The following CLASP1 variants were observed in gnomAD, a reference collection of about 807,000 sequenced individuals.
The protein encoded by CLASP1 is cytoplasmic linker associated protein 1, also known as CLIP-associating protein 1.
In CLASP1, 38 loss-of-function variants were observed where a neutral mutation model predicts 192.3. The observed-to-expected ratio is 0.20, with a 90% CI of 0.15 to 0.26. CLASP1 has a LOEUF of 0.26. Among genes scored for constraint, CLASP1 ranks in the 10% least tolerant of loss-of-function variants. The probability of loss-of-function intolerance (pLI) is 1.00; values close to 1 mark genes in which losing one functional copy is unlikely to be tolerated. For missense variants in CLASP1, 1,433 were observed against 1,932.5 expected, an observed-to-expected ratio of 0.74 and a Z score of 4.85; for synonymous variants, 691 against 712.8, an observed-to-expected ratio of 0.97 and a Z score of 0.49.
chr2:121,362,066 T>G lies in CLASP1; in HGVS notation c.4206+1106A>C, dbSNP rs72967306. 5.0e-3 allele frequency among the ~76,000 whole-genome samples: 758 copies of G among 152,342 alleles called. 2 individuals carry two copies. The highest frequency in any genetic ancestry group is 0.017 in the African/African-American group (708 of 41,568). Reference sequence around the variant, plus strand: ...CTATGATCTAGGGTCTGACTCTCTATGTAGACGGAAGAATTGTGTTAACTA... The same window carrying G: ...CTATGATCTAGGGTCTGACTCTCTAGGTAGACGGAAGAATTGTGTTAACTA... On this transcript the variant is annotated intron_variant, in intron 37 of 39. Transcript: ENST00000263710.
chr2:121,441,975 T>C (rs563519922), intron 19 of CLASP1, among the ~76,000 whole-genome samples: 1 of 152,328 alleles, frequency 6.6e-6, no homozygotes, highest in South Asian at 2.1e-4. Context: ...TCGTGTAATC[T>C]TAATTAAAAT....
At chr2:121,478,837 CCA>C (rs1559368025) in intron 8 of CLASP1, among the ~76,000 whole-genome samples, 13 of 94,358 alleles carry the variant, frequency 1.4e-4, no homozygotes, top group African/African-American at 3.9e-4. Context: ...ACACCACACA[CCA>C]CACACACACC....
intron 2 of CLASP1, among the ~76,000 whole-genome samples, chr2:121,568,996 G>T (rs1479538199): frequency 1.3e-5 from 2 of 152,158 alleles, no homozygotes; most frequent in African/African-American, 4.8e-5. Flanking sequence ...TCTCAGGAAA[G>T]CCATGTGCCT....
intron 2 of CLASP1, among the ~76,000 whole-genome samples, chr2:121,540,563 C>T (rs1296154862): frequency 6.6e-6 from 1 of 151,808 alleles, no homozygotes; most frequent in East Asian, 1.9e-4. Flanking sequence ...CTGAGGTGGG[C>T]GAATCAAGAG....
intron 2 of CLASP1, among the ~76,000 whole-genome samples, chr2:121,559,295 C>A (rs1285744513): frequency 6.6e-6 from 1 of 152,068 alleles, no homozygotes; most frequent in African/African-American, 2.4e-5. Context: ...TAGCAGTTCC[C>A]CAAAATGTTT....
chr2:121,552,695 G>A (rs527309642), intron 2 of CLASP1, among the ~76,000 whole-genome samples: 1 of 152,320 alleles, frequency 6.6e-6, no homozygotes, highest in South Asian at 2.1e-4. Context: ...AGTAACAGAC[G>A]CTGGTGAGGT....
rs578159584 is a variant in CLASP1 at position 121,560,310 on chromosome 2, T to C, written c.196-29985A>G. On this transcript the variant is annotated intron_variant, in intron 2 of 39. Transcript: ENST00000263710. ...GCAAGCTGCAGAACAGTATGCAGAATAGTATGACTGCATTTCCTTAAAAAC... is the reference window on the plus strand; with the variant it reads ...GCAAGCTGCAGAACAGTATGCAGAACAGTATGACTGCATTTCCTTAAAAAC... 1.9e-4 allele frequency among the ~76,000 whole-genome samples: 29 copies of C among 152,344 alleles called. 1 individual carries two copies. Among genetic ancestry groups the C allele is most frequent in the Non-Finnish European group, 2.9e-4 (20 of 68,024 alleles).
chr2:121,535,651 ATT>A (rs1354895447), intron 2 of CLASP1, among the ~76,000 whole-genome samples: 2 of 146,262 alleles, frequency 1.4e-5, no homozygotes, highest in African/African-American at 5.0e-5. Context: ...ATTCATTAGA[ATT>A]TTTTTTTTTT....
At chr2:121,426,569 C>A (rs866944156) in intron 21 of CLASP1, among the ~76,000 whole-genome samples, 1 of 152,042 alleles carries the variant, frequency 6.6e-6, no homozygotes, top group African/African-American at 2.4e-5. Context: ...TATATCCCAA[C>A]AGATAGAACA....
At chr2:121,442,611 C>T (rs897786959) in intron 19 of CLASP1, among the ~76,000 whole-genome samples, 2 of 151,986 alleles carry the variant, frequency 1.3e-5, no homozygotes, top group African/African-American at 4.8e-5. Context: ...TTTTGAGTAG[C>T]TGGGACTAGA....
Position 121,631,614 on chromosome 2 carries a change from A to G in CLASP1, c.-286+17758T>C, listed in dbSNP as rs2069671820. The stretch of plus-strand genomic sequence containing the variant: ...AATTACATTTTTTAAACATATTTTT[A>G]AAATACATATTGCAGGCCAGGCACA... On this transcript the variant is annotated intron_variant, in intron 1 of 39. Transcript: ENST00000263710. Among the ~76,000 whole-genome samples the G allele has an allele frequency of 2.0e-5, 3 of 151,626 alleles. No homozygotes were observed. In the South Asian group the frequency reaches 6.4e-4, roughly 32 times the overall value.
At chr2:121,633,976 C>T (rs1441151308) in intron 1 of CLASP1, among the ~76,000 whole-genome samples, 5 of 149,282 alleles carry the variant, frequency 3.3e-5, no homozygotes, top group East Asian at 2.0e-4. Context: ...CCAGCCTGGG[C>T]GACAGAGCGA....
chr2:121,444,968 A>G, intron 19 of CLASP1: 4 of 1,357,370 alleles, frequency 2.9e-6, no homozygotes, highest in Non-Finnish European at 3.9e-6. Flanking sequence ...ACCATCTTTA[A>G]GCAAATTAAA....
At chr2:121,390,970 C>T (rs1309541571) in intron 30 of CLASP1, among the ~76,000 whole-genome samples, 1 of 152,142 alleles carries the variant, frequency 6.6e-6, no homozygotes, top group Non-Finnish European at 1.5e-5. Context: ...AGGCGTGTGC[C>T]ACTGTGTCGG....
chr2:121,385,865 A>G (rs1282498103), intron 32 of CLASP1, among the ~76,000 whole-genome samples: 1 of 152,184 alleles, frequency 6.6e-6, no homozygotes, highest in Non-Finnish European at 1.5e-5. Context: ...AGTCAAGCAT[A>G]TTTTCATTAG....
chr2:121,454,544 A>T (rs1461527279), intron 14 of CLASP1, among the ~76,000 whole-genome samples: 2 of 152,224 alleles, frequency 1.3e-5, no homozygotes, highest in Non-Finnish European at 2.9e-5. Context: ...ATGATAGCAG[A>T]TGAGCTTAAA....
intron 2 of CLASP1, 76 bp from the exon 3 acceptor site, chr2:121,530,401 G>A (rs1370667341): frequency 4.2e-6 from 5 of 1,202,938 alleles, no homozygotes; most frequent in Non-Finnish European, 5.9e-6. Flanking sequence ...CTCCGGGGAG[G>A]CCTAGACATT....
At chr2:121,464,434 A>G (rs937339307) in intron 9 of CLASP1, among the ~76,000 whole-genome samples, 6 of 152,146 alleles carry the variant, frequency 3.9e-5, no homozygotes, top group African/African-American at 1.4e-4. Context: ...GACTTCCACA[A>G]TGGTTGAACT....
chr2:121,541,011 C>T (rs977697357), intron 2 of CLASP1, among the ~76,000 whole-genome samples: 10 of 152,090 alleles, frequency 6.6e-5, no homozygotes, highest in Non-Finnish European at 1.5e-4. Flanking sequence ...GTGTTTTGTG[C>T]ACATTCTATA....
Sources: gnomAD v4.1 joint callset for allele counts (sites outside exome capture counted in the v4.1 genomes callset) on GRCh38, gnomAD v4.1.1 for gene constraint, MANE v1.5 for transcripts, NCBI Gene and HGNC (gene_info 2026-07-23, HGNC 2026-07-21) for gene names.